Variants in PRLR observed in about 807,000 individuals in gnomAD.
PRLR encodes hPRL receptor.
A neutral mutation model predicts 40.2 loss-of-function variants in PRLR; 13 were observed. The observed-to-expected ratio is 0.32, with a 90% confidence interval of 0.21 to 0.51. The LOEUF is 0.51. Ranked by LOEUF, PRLR falls within the 20% of genes least tolerant of loss-of-function variation. The pLI is 0.97. For synonymous variants in PRLR, 269 were observed against 278.7 expected, an observed-to-expected ratio of 0.97 and a Z score of 0.35; for missense variants, 656 against 747.3, an observed-to-expected ratio of 0.88 and a Z score of 1.42.
At chr5:35,151,274 G>A (rs570282792) in intron 1 of PRLR, among the ~76,000 whole-genome samples, 1 of 152,160 alleles carries the variant, frequency 6.6e-6, no homozygotes, top group South Asian at 2.1e-4. Flanking sequence ...AATGGTTGTG[G>A]AATCATGAGT....
chr5:35,074,448 G>A (rs368222433), intron 5 of PRLR, among the ~76,000 whole-genome samples: 105 of 149,114 alleles, frequency 7.0e-4, no homozygotes, highest in African/African-American at 2.6e-3. Flanking sequence ...GGTGACAAGA[G>A]CGAAACTCCA....
chr5:35,106,976 G>A (rs1418420173), intron 2 of PRLR, among the ~76,000 whole-genome samples: 1 of 152,174 alleles, frequency 6.6e-6, no homozygotes, highest in Non-Finnish European at 1.5e-5. Flanking sequence ...ATAGTTGGAA[G>A]TAAAGCTCTC....
intron 1 of PRLR, among the ~76,000 whole-genome samples, chr5:35,147,813 C>CA (rs556831296): frequency 6.6e-6 from 1 of 151,852 alleles, no homozygotes; most frequent in Non-Finnish European, 1.5e-5. Context: ...GAAAAACAAA[C>CA]AAAAAAACCA....
chr5:35,063,670 A>T lies in PRLR; in HGVS notation c.*1419T>A, dbSNP rs1220546757. On this transcript the variant is annotated 3_prime_UTR_variant, in exon 10 of 10. Coordinates refer to ENST00000618457, the MANE Select transcript of PRLR (RefSeq NM_000949.7). ...TTTTGCAATTGAATTTACTTCAGAG[A>T]GACACTAACTCCTGGCTTTGCTTAA... is the stretch of plus-strand genomic sequence containing the variant. 1 of 152,224 alleles carries T rather than the reference A, an allele frequency of 6.6e-6. No individual in the cohort carries two copies. Among genetic ancestry groups the T allele is most frequent in the East Asian group, 1.9e-4 (1 of 5,202 alleles). 9.4% of individuals were successfully genotyped at this position (152,224 alleles called of 1,614,324 possible).
At chr5:35,050,290 C>G (rs1298046998) in intron 8 of PRLR, among the ~76,000 whole-genome samples, 1 of 152,210 alleles carries the variant, frequency 6.6e-6, no homozygotes, top group Non-Finnish European at 1.5e-5. Context: ...GAAGAGGAAA[C>G]TTAGACTGCC....
At chr5:35,182,349 C>T (rs13158737) in intron 1 of PRLR, among the ~76,000 whole-genome samples, 48,755 of 151,958 alleles carry the variant, frequency 0.32, 8,290 homozygotes, top group African/African-American at 0.43. Context: ...TTCTATATAG[C>T]AGATAGATTT....
intron 1 of PRLR, among the ~76,000 whole-genome samples, chr5:35,227,239 T>C (rs1776576208): frequency 6.6e-6 from 1 of 152,230 alleles, no homozygotes; most frequent in African/African-American, 2.4e-5. Context: ...GATTTGGCTA[T>C]TCCTGCCTTT....
chr5:35,206,480 A>G (rs7717719), intron 1 of PRLR, among the ~76,000 whole-genome samples: 90,239 of 151,880 alleles, frequency 0.59, 27,553 homozygotes, highest in Non-Finnish European at 0.67. Flanking sequence ...CATATAATAT[A>G]AAATATTTAC....
rs896195523 is a variant in PRLR at position 35,065,795 on chromosome 5, G to T, written c.1163C>A (p.Thr388Lys). The T allele has an allele frequency of 3.7e-6, 6 of 1,614,026 alleles. No homozygotes were observed. The African/African-American group carries it at 6.7e-5, about 18-fold the overall frequency. Residue 388 changes from threonine to lysine, a missense_variant, in exon 10 of 10, where the codon ACA becomes AAA. By Grantham distance (78) the Thr-to-Lys change is moderately conservative. Coordinates refer to ENST00000618457, the MANE Select transcript of PRLR (RefSeq NM_000949.7). The stretch of plus-strand genomic sequence containing the variant: ...GCACTGGGGGTCCCAGGTGTGGGTT[G>T]TTTCAGGATTCTCTGGCTTCTCAAT... ...EVIEKPENPE[T>K]THTWDPQCIS...
intron 2 of PRLR, among the ~76,000 whole-genome samples, chr5:35,111,801 A>G (rs1199960070): frequency 6.6e-6 from 1 of 152,248 alleles, no homozygotes; most frequent in Admixed American, 6.5e-5. Flanking sequence ...TAATATACAT[A>G]TCTCTATATG....
chr5:35,126,821 A>T (rs1352515178), intron 1 of PRLR, among the ~76,000 whole-genome samples: 1 of 152,244 alleles, frequency 6.6e-6, no homozygotes, highest in Non-Finnish European at 1.5e-5. Flanking sequence ...GACATCTGGT[A>T]CGTGCCAGGA....
intron 1 of PRLR, among the ~76,000 whole-genome samples, chr5:35,210,033 C>G (rs1228747133): frequency 6.6e-6 from 1 of 152,162 alleles, no homozygotes; most frequent in Non-Finnish European, 1.5e-5. Flanking sequence ...CCAGCTTCTT[C>G]TCATGTTTTA....
intron 1 of PRLR, among the ~76,000 whole-genome samples, chr5:35,138,481 G>T (rs765785207): frequency 6.6e-6 from 1 of 152,124 alleles, no homozygotes; most frequent in African/African-American, 2.4e-5. Flanking sequence ...GAATTGCTGT[G>T]GAGAGATTGG....
In PRLR at chr5:35,087,421, T is replaced by TG. The variant is rs1435285963; in HGVS notation, c.71-1082_71-1081insC. Among the ~76,000 whole-genome samples the TG allele has an allele frequency of 3.3e-3, 476 of 143,010 alleles. 2 individuals carry two copies. The highest frequency in any genetic ancestry group is 5.9e-3 in the Non-Finnish European group (395 of 67,088). The allele number at this position is 143,010 out of a possible 152,430, so 93.8% of individuals were successfully genotyped here. A position where few individuals can be genotyped will look rare whatever the true frequency, so the allele number is the denominator to read the frequency against. Reference sequence around the variant, plus strand: ...TTCTCTTAGATTTTCCTCTCTTTCCTTTGTGTGTGTGTGTGTGTGTGTGTG... The same window carrying TG: ...TTCTCTTAGATTTTCCTCTCTTTCCTGTTGTGTGTGTGTGTGTGTGTGTGTG... On this transcript the variant is annotated intron_variant, in intron 3 of 9. Coordinates refer to ENST00000618457, the MANE Select transcript of PRLR (RefSeq NM_000949.7).
chr5:35,084,610 T>C lies in PRLR; in HGVS notation c.233A>G (p.Tyr78Cys). The change falls in exon 5 of 10, where the codon TAC becomes TGC. Residue 78 changes from tyrosine (Y) to cysteine (C), a missense_variant. By Grantham distance (194) the Tyr-to-Cys change is radical. Around this residue, in one of 3 missense-constraint regions of PRLR, gnomAD observed 180 missense variants for 236.8 expected, o/e 0.76. Transcript: ENST00000618457. ...GCAGGAGTTGGGGCCACCGGTTATG[T>C]AGTCTGGACATTCATGCATGAGTGT... ...GETLMHECPD[Y>C]ITGGPNSCHF... The C allele has an allele frequency of 6.2e-7, 1 of 1,611,364 alleles. No individual in the cohort carries two copies. Among genetic ancestry groups the C allele is most frequent in the Non-Finnish European group, 8.5e-7 (1 of 1,178,970 alleles).
chr5:35,222,120 T>C (rs1380108748), intron 1 of PRLR, among the ~76,000 whole-genome samples: 78 of 152,184 alleles, frequency 5.1e-4, no homozygotes, highest in African/African-American at 2.4e-5. Context: ...CTGGCCAACA[T>C]GGTGAAACCC....
intron 1 of PRLR, among the ~76,000 whole-genome samples, chr5:35,203,982 CCAA>C (rs1775946399): frequency 6.6e-6 from 1 of 151,756 alleles, no homozygotes; most frequent in Non-Finnish European, 1.5e-5. Context: ...AAAAACAAAC[CCAA>C]CAACAAAAAC....
intron 1 of PRLR, among the ~76,000 whole-genome samples, chr5:35,181,438 T>C (rs1775294219): frequency 6.6e-6 from 1 of 152,216 alleles, no homozygotes; most frequent in African/African-American, 2.4e-5. Flanking sequence ...TATATTAATT[T>C]TGAATTATAT....
At chr5:35,184,780 A>G (rs964057565) in intron 1 of PRLR, among the ~76,000 whole-genome samples, 4 of 152,228 alleles carry the variant, frequency 2.6e-5, no homozygotes, top group African/African-American at 9.6e-5. Context: ...AGCATTTTAC[A>G]TGTGTTTATG....
Sources: allele counts gnomAD v4.1 joint callset (sites outside exome capture counted in the v4.1 genomes callset), GRCh38; gene constraint gnomAD v4.1.1; regional missense constraint gnomAD v4.1.1; transcripts MANE v1.5; gene names NCBI Gene and HGNC (gene_info 2026-07-23, HGNC 2026-07-21).